TMEM232: variants seen among roughly 807,000 people sequenced by gnomAD.
TMEM232 encodes transmembrane protein 232.
A neutral mutation model predicts 78.8 loss-of-function variants in TMEM232; 80 were observed. The ratio of observed to expected loss-of-function variants is 1.01; its 90% CI spans 0.85 to 1.22. The LOEUF (loss-of-function observed/expected upper bound fraction) is 1.22. Ranked by LOEUF, TMEM232 falls within the 50% of genes most tolerant of loss-of-function variation. The probability of loss-of-function intolerance (pLI) is 0.00; values close to 1 mark genes in which losing one functional copy is unlikely to be tolerated. For synonymous variants in TMEM232, 297 were observed against 254.3 expected, an observed-to-expected ratio of 1.17 and a Z score of -1.60; for missense variants, 881 against 742.2, an observed-to-expected ratio of 1.19 and a Z score of -2.17.
chr5:110,403,179 T>G (rs1233915965), intron 2 of TMEM232, among the ~76,000 whole-genome samples: 1 of 152,098 alleles, frequency 6.6e-6, no homozygotes, highest in Non-Finnish European at 1.5e-5. Flanking sequence ...TCAGTCTTGG[T>G]ATTTCAATTC....
At chr5:110,716,059 C>T (rs1398328824) in intron 1 of TMEM232, among the ~76,000 whole-genome samples, 1 of 152,064 alleles carries the variant, frequency 6.6e-6, no homozygotes, top group African/African-American at 2.4e-5. Context: ...CAATGTATAT[C>T]TTAATTGTAT....
At chr5:110,508,188 C>G (rs1190495508) in intron 12 of TMEM232, among the ~76,000 whole-genome samples, 1 of 151,968 alleles carries the variant, frequency 6.6e-6, no homozygotes, top group Non-Finnish European at 1.5e-5. Context: ...TGTGAACAGC[C>G]AAGAATTTAG....
Position 110,541,711 on chromosome 5 carries a change from A to C in TMEM232, c.1456-12876T>G, listed in dbSNP as rs537090574. On this transcript the variant is annotated intron_variant, in intron 11 of 13. Coordinates refer to ENST00000455884, the MANE Select transcript of TMEM232 (RefSeq NM_001039763.4). ...CAGCTTACTGTCTGTAGCCCTCTTA[A>C]GGATCCATAATACCCCTAGAGCAAA... is the stretch of plus-strand genomic sequence containing the variant. Among the ~76,000 whole-genome samples the C allele has an allele frequency of 2.6e-5, 4 of 152,200 alleles. No individual in the cohort carries two copies. In the East Asian group the frequency reaches 7.7e-4, roughly 29 times the overall value.
intron 7 of TMEM232, 141 bp downstream of exon 7, chr5:110,625,126 T>A: frequency 1.2e-6 from 1 of 845,436 alleles, no homozygotes; most frequent in African/African-American, 1.8e-5. Context: ...GAAATTCGTA[T>A]CTTTGCTGTT....
At chr5:110,532,292 T>A (rs1362010642) in intron 11 of TMEM232, among the ~76,000 whole-genome samples, 1 of 151,544 alleles carries the variant, frequency 6.6e-6, no homozygotes, top group East Asian at 1.9e-4. Context: ...TTCCCAGATC[T>A]TCTCGGCTTA....
At chr5:110,408,967 C>G (rs1411753970) in intron 2 of TMEM232, among the ~76,000 whole-genome samples, 1 of 152,078 alleles carries the variant, frequency 6.6e-6, no homozygotes, top group African/African-American at 2.4e-5. Flanking sequence ...CCCAGCTTAC[C>G]TGGAGACACA....
In TMEM232 at chr5:110,532,055, C is replaced by T. The variant is rs1007855777; in HGVS notation, c.1456-3220G>A. ...TCTCCAGCACACAAGAACTTCCAAA[C>T]GCCTGAACTGCAGCGGCCAGGCATT... On this transcript the variant is annotated intron_variant, in intron 11 of 13. Transcript: ENST00000455884. Among the ~76,000 whole-genome samples, 6 of 152,130 alleles carry T rather than the reference C, an allele frequency of 3.9e-5. No homozygotes were observed. The South Asian group carries it at 6.2e-4, about 16-fold the overall frequency.
rs1277722220 is a variant in TMEM232, at chr5:110,726,655, G to C, written c.-41C>G. The stretch of plus-strand genomic sequence containing the variant: ...TGCGCTCTGAGCCGCTGGGAACCAA[G>C]GCTGGTTGCTAAGGACGCTGTGGGA... On this transcript the variant is annotated 5_prime_UTR_variant, in exon 1 of 14. Coordinates refer to ENST00000455884, the MANE Select transcript of TMEM232 (RefSeq NM_001039763.4). 1.3e-5 allele frequency: 2 copies of C among 152,224 alleles called. No individual in the cohort carries two copies. Among genetic ancestry groups the C allele is most frequent in the African/African-American group, 2.4e-5 (1 of 41,436 alleles). 9.4% of individuals were successfully genotyped at this position (152,224 alleles called of 1,614,324 possible).
intron 2 of TMEM232, among the ~76,000 whole-genome samples, chr5:110,662,988 A>T (rs1292206292): frequency 6.6e-6 from 1 of 152,144 alleles, no homozygotes; most frequent in Non-Finnish European, 1.5e-5. Flanking sequence ...ATAAAAATTA[A>T]TAAGTTCTAG....
chr5:110,416,453 A>G (rs1580585335), downstream of TMEM232, among the ~76,000 whole-genome samples: 4 of 152,344 alleles, frequency 2.6e-5, 1 homozygote, highest in South Asian at 8.3e-4. Flanking sequence ...AAGAATGAAG[A>G]AGCTGGAGGA....
intron 11 of TMEM232, among the ~76,000 whole-genome samples, chr5:110,535,465 T>C (rs1772209390): frequency 6.6e-6 from 1 of 152,256 alleles, no homozygotes; most frequent in East Asian, 1.9e-4. Flanking sequence ...AAAAGCTTTA[T>C]TGCTCACACA....
intron 12 of TMEM232, among the ~76,000 whole-genome samples, chr5:110,433,547 C>T (rs1758086201): frequency 6.6e-6 from 1 of 151,676 alleles, no homozygotes; most frequent in South Asian, 2.1e-4. Flanking sequence ...AACCTCATAC[C>T]TATAAGAACT....
chr5:110,524,415 GAAA>G (rs141511695), intron 12 of TMEM232, among the ~76,000 whole-genome samples: 8 of 62,818 alleles, frequency 1.3e-4, no homozygotes, highest in Non-Finnish European at 3.0e-4. Flanking sequence ...AAGAAAGAAA[GAAA>G]AGAAAAGAAA....
intron 12 of TMEM232, among the ~76,000 whole-genome samples, chr5:110,478,082 C>G (rs144731268): frequency 9.3e-4 from 142 of 152,010 alleles, no homozygotes; most frequent in Non-Finnish European, 1.1e-3. Flanking sequence ...ATAAGAATCT[C>G]TTGGCAAGAA....
In TMEM232 at chr5:110,508,304, AT is replaced by A. The variant is rs1313030008; in HGVS notation, c.1703+20283del. 2.6e-5 allele frequency among the ~76,000 whole-genome samples: 4 copies of A among 152,096 alleles called. 1 individual carries two copies. Among genetic ancestry groups the A allele is most frequent in the Non-Finnish European group, 4.4e-5 (3 of 68,010 alleles). ...AAGCTGTTCAGAATGATAAATGGAT[AT>A]GACAATTTATTAAAGATAGAAAGCA... On this transcript the variant is annotated intron_variant, in intron 12 of 13. Transcript: ENST00000455884.
intron 1 of TMEM232, among the ~76,000 whole-genome samples, chr5:110,673,591 T>C (rs191856613): frequency 5.9e-4 from 90 of 152,282 alleles, no homozygotes; most frequent in Non-Finnish European, 8.4e-4. Context: ...CATGGAGCAA[T>C]TCAATTCACC....
intron 11 of TMEM232, among the ~76,000 whole-genome samples, chr5:110,565,889 T>G (rs1450491174): frequency 6.6e-6 from 1 of 151,986 alleles, no homozygotes; most frequent in African/African-American, 2.4e-5. Flanking sequence ...AAGATTTTTA[T>G]ATCCTTTCTA....
chr5:110,523,969 G>A (rs1421355367), intron 12 of TMEM232, among the ~76,000 whole-genome samples: 1 of 103,478 alleles, frequency 9.7e-6, no homozygotes, highest in Non-Finnish European at 1.9e-5. Flanking sequence ...AAAAAAAAGG[G>A]GGGGGGGCGG....
At chr5:110,419,280 G>A (rs1027493563), downstream of TMEM232, among the ~76,000 whole-genome samples, 3 of 151,946 alleles carry the variant, frequency 2.0e-5, no homozygotes, top group Non-Finnish European at 4.4e-5. Context: ...GAGAACACAA[G>A]CATAAGATAA....
Sources: allele counts gnomAD v4.1 joint callset (sites outside exome capture counted in the v4.1 genomes callset), GRCh38; gene constraint gnomAD v4.1.1; transcripts MANE v1.5; gene names NCBI Gene and HGNC (gene_info 2026-07-23, HGNC 2026-07-21).